COL4A2: variants seen among roughly 807,000 people sequenced by gnomAD.
The protein encoded by COL4A2 is collagen alpha-2(IV) chain.
Under a neutral mutation model 200.2 loss-of-function variants are expected in COL4A2, and 99 were observed. The observed-to-expected ratio is 0.49, with a 90% CI of 0.42 to 0.58. COL4A2 has a LOEUF of 0.58. COL4A2 is among the 20% of genes least tolerant of loss of function. The probability of loss-of-function intolerance (pLI) is 0.00; values close to 1 mark genes in which losing one functional copy is unlikely to be tolerated. For synonymous variants in COL4A2, 897 were observed against 900.6 expected, an observed-to-expected ratio of 1.00 and a Z score of 0.07; for missense variants, 1,950 against 2,314.1, an observed-to-expected ratio of 0.84 and a Z score of 3.23.
At chr13:110,467,142 A>T in intron 27 of COL4A2, 46 bp downstream of exon 27, 1 of 1,611,800 alleles carries the variant, frequency 6.2e-7, no homozygotes, top group Non-Finnish European at 8.5e-7. Context: ...TTCCTCCCAC[A>T]TCTTCACACT....
At chr13:110,500,590 A>T (rs563965947) in intron 40 of COL4A2, among the ~76,000 whole-genome samples, 36 of 152,188 alleles carry the variant, frequency 2.4e-4, no homozygotes, top group African/African-American at 8.2e-4. Context: ...TGACCCAAAA[A>T]CTGTTGGTTC....
intron 25 of COL4A2, 76 bp from the exon 26 acceptor site, chr13:110,465,927 G>A (rs988961647): frequency 7.1e-6 from 11 of 1,545,044 alleles, no homozygotes; most frequent in South Asian, 3.5e-5. Context: ...CTTCACACAC[G>A]TGCACGCCCC....
intron 3 of COL4A2, among the ~76,000 whole-genome samples, chr13:110,317,888 C>T (rs921113185): frequency 6.6e-6 from 1 of 152,182 alleles, no homozygotes; most frequent in Non-Finnish European, 1.5e-5. Context: ...TTATCTTAGA[C>T]GTACAGGAAA....
intron 3 of COL4A2, among the ~76,000 whole-genome samples, chr13:110,334,671 T>C (rs1876091774): frequency 6.6e-6 from 1 of 152,196 alleles, no homozygotes; most frequent in Admixed American, 6.5e-5. Flanking sequence ...ATGCAGGATA[T>C]TGTGAGACAG....
chr13:110,365,661 G>A (rs1404501561), intron 4 of COL4A2, among the ~76,000 whole-genome samples: 2 of 152,116 alleles, frequency 1.3e-5, no homozygotes, highest in Non-Finnish European at 1.5e-5. Context: ...TCCACGCAAT[G>A]GCCTTGGCTC....
chr13:110,338,440 G>C (rs1330128965), intron 3 of COL4A2, among the ~76,000 whole-genome samples: 2 of 149,276 alleles, frequency 1.3e-5, no homozygotes, highest in African/African-American at 4.9e-5. Context: ...TGTGTGGGGG[G>C]GGGTGGGGGT....
Position 110,507,986 on chromosome 13 carries a change from G to A in COL4A2, c.4646G>A (p.Cys1549Tyr). ...TTCAGCACCATGCCCTTCCTGTACT[G>A]CAACCCTGGTGATGTCTGCTACTAT... ...ARFSTMPFLY[C>Y]NPGDVCYYAS... Residue 1549 changes from cysteine (C) to tyrosine (Y), a missense_variant, in exon 47 of 48, where the codon TGC (cysteine) becomes TAC (tyrosine). Transcript: ENST00000360467. 2 of 1,614,168 alleles carry A rather than the reference G, an allele frequency of 1.2e-6. No individual in the cohort carries two copies. The highest frequency in any genetic ancestry group is 1.7e-6 in the Non-Finnish European group (2 of 1,180,022).
intron 29 of COL4A2, among the ~76,000 whole-genome samples, chr13:110,473,971 AT>A (rs761376707): frequency 7.6e-5 from 11 of 144,460 alleles, no homozygotes; most frequent in South Asian, 2.3e-4. Flanking sequence ...CAAAAAAAAA[AT>A]AATAATTAAC....
At chr13:110,391,073 A>G (rs541032563) in intron 4 of COL4A2, among the ~76,000 whole-genome samples, 3 of 152,300 alleles carry the variant, frequency 2.0e-5, no homozygotes, top group African/African-American at 7.2e-5. Context: ...TCCCTCATTC[A>G]TGAAAAAATG....
At chr13:110,391,764 G>C (rs1349461953) in intron 4 of COL4A2, among the ~76,000 whole-genome samples, 1 of 152,162 alleles carries the variant, frequency 6.6e-6, no homozygotes, top group African/African-American at 2.4e-5. Context: ...CATGATCATT[G>C]GTCCCCAGGT....
In COL4A2 at chr13:110,505,146, C is replaced by G. The variant is rs190572211; in HGVS notation, c.4402+882C>G. 8.8e-3 allele frequency among the ~76,000 whole-genome samples: 1,331 copies of G among 151,160 alleles called. 15 individuals carry two copies. The highest frequency in any genetic ancestry group is 0.015 in the South Asian group (72 of 4,756). On this transcript the variant is annotated intron_variant, in intron 45 of 47. Transcript: ENST00000360467. ...TGGGCGGATCACAAGGGCAGGAGAT[C>G]GAGACCATCCTGGCTAACACGGTGA...
At chr13:110,441,833 C>A (rs1881133359) in intron 16 of COL4A2, among the ~76,000 whole-genome samples, 1 of 151,622 alleles carries the variant, frequency 6.6e-6, no homozygotes, top group Admixed American at 6.6e-5. Context: ...GTAATCCCAG[C>A]AGTTTGGGAG....
intron 3 of COL4A2, among the ~76,000 whole-genome samples, chr13:110,314,024 G>A (rs1885066899): frequency 6.6e-6 from 1 of 152,240 alleles, no homozygotes; most frequent in South Asian, 2.1e-4. Flanking sequence ...GTGCAGCCTG[G>A]TATCCTGGGG....
At position 110,402,392 on chromosome 13, in the gene COL4A2, G is replaced by T. The variant is rs529110870; in HGVS notation, c.181-22342G>T. 6.6e-5 allele frequency among the ~76,000 whole-genome samples: 10 copies of T among 152,310 alleles called. 1 individual carries two copies. Among genetic ancestry groups the T allele is most frequent in the African/African-American group, 2.4e-4 (10 of 41,588 alleles). On this transcript the variant is annotated intron_variant, in intron 4 of 47. Coordinates refer to ENST00000360467, the MANE Select transcript of COL4A2 (RefSeq NM_001846.4). ...CCAGGTGAGTCCAAAACCCAACAGGGCAAAGAACATTCGATTTTAAGTCTT... is the reference window on the plus strand; with the variant it reads ...CCAGGTGAGTCCAAAACCCAACAGGTCAAAGAACATTCGATTTTAAGTCTT...
In COL4A2 at chr13:110,381,017, C is replaced by A. The variant is rs1878463354; in HGVS notation, c.180+23465C>A. ...TATGTCACAACCACAGGCTCTATCT[C>A]ACACCCACGGGCTCTGTCTCACACC... On this transcript the variant is annotated intron_variant, in intron 4 of 47. Transcript: ENST00000360467. Among the ~76,000 whole-genome samples the A allele has an allele frequency of 2.7e-5, 4 of 150,352 alleles. No individual in the cohort carries two copies. The South Asian group carries it at 6.4e-4, about 24-fold the overall frequency.
chr13:110,442,876 A>AT (rs11273446), intron 16 of COL4A2, among the ~76,000 whole-genome samples: 7 of 152,264 alleles, frequency 4.6e-5, no homozygotes, highest in South Asian at 2.1e-4. Context: ...GAGTTATTTT[A>AT]AAAAGTGTTC....
intron 35 of COL4A2, 39 bp from the exon 36 acceptor site, chr13:110,489,672 G>C: frequency 6.2e-7 from 1 of 1,613,010 alleles, no homozygotes; most frequent in South Asian, 1.1e-5. Context: ...AGTCCCAGTG[G>C]AAAGTCCTGT....
Position 110,439,785 on chromosome 13 carries a change from C to T in COL4A2, c.913-4C>T. 1 of 1,613,498 alleles carries T rather than the reference C, an allele frequency of 6.2e-7. No individual in the cohort carries two copies. Among genetic ancestry groups the T allele is most frequent in the Non-Finnish European group, 8.5e-7 (1 of 1,179,876 alleles). On this transcript the variant is annotated splice_region_variant and splice_polypyrimidine_tract_variant and intron_variant, in intron 15 of 47. Coordinates refer to ENST00000360467, the MANE Select transcript of COL4A2 (RefSeq NM_001846.4). ...TGTTTGCTTCTGTTTTTTGTTCATT[C>T]CAGGGTTACCCTGGCTTGAGTGGTG... is the stretch of plus-strand genomic sequence containing the variant.
In COL4A2 at chr13:110,409,841, G is replaced by T. The variant is rs932526138; in HGVS notation, c.181-14893G>T. On this transcript the variant is annotated intron_variant, in intron 4 of 47. Coordinates refer to ENST00000360467, the MANE Select transcript of COL4A2 (RefSeq NM_001846.4). ...CGCCCAAATAATCATTCCAAACCGGGGAGTCTTGGGGGAGTGCAGGATGTC... is the reference window on the plus strand; with the variant it reads ...CGCCCAAATAATCATTCCAAACCGGTGAGTCTTGGGGGAGTGCAGGATGTC... Among the ~76,000 whole-genome samples the T allele has an allele frequency of 2.0e-5, 3 of 152,126 alleles. 1 individual carries two copies. Among genetic ancestry groups the T allele is most frequent in the Admixed American group, 2.0e-4 (3 of 15,278 alleles).
Sources: allele counts gnomAD v4.1 joint callset (sites outside exome capture counted in the v4.1 genomes callset), GRCh38; gene constraint gnomAD v4.1.1; transcripts MANE v1.5; gene names NCBI Gene and HGNC (gene_info 2026-07-23, HGNC 2026-07-21).